PCLO: variants seen among roughly 807,000 people sequenced by gnomAD.
PCLO encodes piccolo presynaptic cytomatrix protein.
PCLO carries 82 observed loss-of-function variants against 427.5 expected under a neutral mutation model. That is an observed-to-expected ratio of 0.19 (90% CI 0.16 to 0.23). The LOEUF is 0.23. Ranked by LOEUF, PCLO falls within the 10% of genes least tolerant of loss-of-function variation. The pLI, the probability that PCLO is intolerant of heterozygous loss-of-function variation, is 1.00. For missense variants in PCLO, 6,239 were observed against 6,115.9 expected (o/e 1.02, Z -0.67); for synonymous variants, 2,357 against 2,155.4 (o/e 1.09, Z -2.59).
intron 6 of PCLO, among the ~76,000 whole-genome samples, chr7:82,941,024 A>G (rs1795072698): frequency 6.6e-6 from 1 of 151,200 alleles, no homozygotes; most frequent in Admixed American, 6.6e-5. Context: ...GGCCTCCCAA[A>G]GTGCTGGGAT....
At chr7:83,160,864 G>A (rs1008087443) in intron 1 of PCLO, among the ~76,000 whole-genome samples, 2 of 152,040 alleles carry the variant, frequency 1.3e-5, no homozygotes, top group African/African-American at 2.4e-5. Flanking sequence ...GTTCTAAAAG[G>A]CTAATAAAAG....
At chr7:83,003,164 A>C (rs952245542) in intron 3 of PCLO, among the ~76,000 whole-genome samples, 1 of 151,356 alleles carries the variant, frequency 6.6e-6, no homozygotes, top group Admixed American at 6.6e-5. Context: ...ACCCATCACA[A>C]AATACAAATA....
chr7:83,024,310 C>CGG (rs1788425498), intron 3 of PCLO, among the ~76,000 whole-genome samples: 1 of 152,156 alleles, frequency 6.6e-6, no homozygotes, highest in Non-Finnish European at 1.5e-5. Context: ...AAGGGGTCAC[C>CGG]GAGTTCCCTT....
chr7:82,758,586 G>C lies in PCLO; in HGVS notation c.15418C>G (p.Gln5140Glu), dbSNP rs757848528. The C allele has an allele frequency of 5.0e-6, 8 of 1,611,204 alleles. No individual in the cohort carries two copies. The South Asian group carries it at 8.8e-5, about 18-fold the overall frequency. The change falls in exon 25 of 25, where the codon CAA becomes GAA. Residue 5140 changes from glutamine (Q) to glutamate (E), a missense_variant. Transcript: ENST00000333891. ...GAAGACATGTTTCTTCAATGCGTTTGAGTAGGACTGACCAAAAGTTTGTGC... is the reference window on the plus strand; with the variant it reads ...GAAGACATGTTTCTTCAATGCGTTTCAGTAGGACTGACCAAAAGTTTGTGC... Reference protein sequence around the residue: ...NWHKLLVSPTQTH With the variant: ...NWHKLLVSPTETH
At chr7:83,162,224 G>T in intron 1 of PCLO, 121 bp downstream of exon 1, 1 of 1,189,006 alleles carries the variant, frequency 8.4e-7, no homozygotes, top group Non-Finnish European at 1.2e-6. Context: ...ACCCCACTGG[G>T]GAGAATAAAA....
chr7:83,127,114 A>C (rs1791456437), intron 3 of PCLO, among the ~76,000 whole-genome samples: 1 of 152,060 alleles, frequency 6.6e-6, no homozygotes, highest in Non-Finnish European at 1.5e-5. Context: ...AAACACTCCC[A>C]ATTTGTTAGT....
In PCLO at chr7:83,151,092, T is replaced by C. The variant is rs375042611; in HGVS notation, c.1893+3656A>G. 6.6e-5 allele frequency among the ~76,000 whole-genome samples: 10 copies of C among 152,214 alleles called. 1 individual carries two copies. The highest frequency in any genetic ancestry group is 4.6e-4 in the Admixed American group (7 of 15,286). ...GAGCTCTAACTTCTCAATTCTGACC[T>C]CCATAAAATTTAGGAGTTAGAGAAA... On this transcript the variant is annotated intron_variant, in intron 2 of 24. Transcript: ENST00000333891.
intron 1 of PCLO, among the ~76,000 whole-genome samples, chr7:83,161,187 T>C (rs1026352006): frequency 6.6e-6 from 1 of 152,202 alleles, no homozygotes; most frequent in African/African-American, 2.4e-5. Context: ...ACATTTCTCC[T>C]ATAATTATTT....
intron 3 of PCLO, 118 bp from the exon 4 acceptor site, chr7:82,966,605 T>C: frequency 1.9e-6 from 1 of 515,508 alleles, no homozygotes; most frequent in South Asian, 4.4e-5. Flanking sequence ...ATGGAGAAGG[T>C]GGGTCACTGT....
At chr7:83,010,219 A>G (rs141632055) in intron 3 of PCLO, among the ~76,000 whole-genome samples, 77 of 152,054 alleles carry the variant, frequency 5.1e-4, no homozygotes, top group African/African-American at 1.6e-3. Context: ...CATCCTTCTC[A>G]ATGTCAACAA....
chr7:83,090,281 C>T (rs1790346587), intron 3 of PCLO, among the ~76,000 whole-genome samples: 1 of 152,160 alleles, frequency 6.6e-6, no homozygotes, highest in African/African-American at 2.4e-5. Flanking sequence ...AATTTACTGG[C>T]TGACGTGTGC....
At position 82,999,834 on chromosome 7, in the gene PCLO, A is replaced by AATATAAAATATAATATATAATATT. The variant is rs1562909750; in HGVS notation, c.3301-33371_3301-33348dup. ...ATATAAAATATAATATATAATATTA[A>AATATAAAATATAATATATAATATT]ATATAAAATATAATATATAATATTA... On this transcript the variant is annotated intron_variant, in intron 3 of 24. Transcript: ENST00000333891. Among the ~76,000 whole-genome samples the AATATAAAATATAATATATAATATT allele has an allele frequency of 7.1e-4, 10 of 14,182 alleles. 2 individuals carry two copies. Among genetic ancestry groups the AATATAAAATATAATATATAATATT allele is most frequent in the Non-Finnish European group, 9.5e-4 (10 of 10,488 alleles). The allele number at this position is 14,182 out of a possible 152,430, so 9.3% of individuals were successfully genotyped here.
chr7:82,967,866 G>A (rs1795813961), intron 3 of PCLO, among the ~76,000 whole-genome samples: 1 of 152,138 alleles, frequency 6.6e-6, no homozygotes, highest in African/African-American at 2.4e-5. Flanking sequence ...ATTCTGTAAG[G>A]CACAGGGTTA....
chr7:83,123,202 C>T (rs1261029538), intron 3 of PCLO, among the ~76,000 whole-genome samples: 1 of 152,104 alleles, frequency 6.6e-6, no homozygotes, highest in African/African-American at 2.4e-5. Flanking sequence ...CTGGAAGACT[C>T]ACATTACCTG....
chr7:83,014,196 A>C (rs1258723291), intron 3 of PCLO, among the ~76,000 whole-genome samples: 2 of 152,024 alleles, frequency 1.3e-5, no homozygotes, highest in Non-Finnish European at 2.9e-5. Flanking sequence ...ATAGTTAACA[A>C]AACAAGTCAG....
chr7:82,929,152 T>C (rs1204821379), intron 6 of PCLO, among the ~76,000 whole-genome samples: 2 of 152,126 alleles, frequency 1.3e-5, no homozygotes, highest in African/African-American at 2.4e-5. Context: ...ATAAGGCCTT[T>C]ATATAATGAC....
intron 3 of PCLO, among the ~76,000 whole-genome samples, chr7:83,108,238 T>A (rs1790917225): frequency 6.6e-6 from 1 of 152,034 alleles, no homozygotes; most frequent in Non-Finnish European, 1.5e-5. Flanking sequence ...AAGTAATGTG[T>A]TTTCCTTTCC....
intron 22 of PCLO, among the ~76,000 whole-genome samples, chr7:82,784,657 T>A (rs1790945078): frequency 6.6e-6 from 1 of 152,188 alleles, no homozygotes; most frequent in African/African-American, 2.4e-5. Context: ...GAGTATTTAC[T>A]GTATTTCTTT....
At chr7:82,932,188 T>C (rs142800401) in intron 6 of PCLO, among the ~76,000 whole-genome samples, 3 of 152,280 alleles carry the variant, frequency 2.0e-5, no homozygotes, top group African/African-American at 7.2e-5. Context: ...ATTGAGTACA[T>C]GGCTCTTTGA....
Sources: allele counts gnomAD v4.1 joint callset (sites outside exome capture counted in the v4.1 genomes callset), GRCh38; gene constraint gnomAD v4.1.1; transcripts MANE v1.5; gene names NCBI Gene and HGNC (gene_info 2026-07-23, HGNC 2026-07-21).